The following ZNF460 variants were observed in gnomAD, a reference collection of about 807,000 sequenced individuals.
ZNF460 encodes zinc finger protein 460, also known as zinc finger protein 272.
In ZNF460, 1 loss-of-function variant was observed where a neutral mutation model predicts 8.4. That is an observed-to-expected ratio of 0.12 (90% CI 0.04 to 0.56). The LOEUF is 0.56. ZNF460 is among the 20% of genes least tolerant of loss of function. The probability of loss-of-function intolerance (pLI) is 0.91; values close to 1 mark genes in which losing one functional copy is unlikely to be tolerated. For synonymous variants in ZNF460, 262 were observed against 259.9 expected (o/e 1.01, Z -0.08); for missense variants, 477 against 714.8 (o/e 0.67, Z 3.79).
chr19:57,289,470 T>G (rs1026433943), intron 2 of ZNF460, among the ~76,000 whole-genome samples: 2 of 152,198 alleles, frequency 1.3e-5, no homozygotes, highest in Non-Finnish European at 2.9e-5. Context: ...AACTTTAAGC[T>G]CATGAAGCAT....
intron 1 of ZNF460, among the ~76,000 whole-genome samples, chr19:57,283,091 T>C (rs148345271): frequency 4.0e-5 from 6 of 150,338 alleles, no homozygotes; most frequent in Non-Finnish European, 5.9e-5. Flanking sequence ...GAGTGTGACA[T>C]AGAGATGATG....
chr19:57,281,678 G>A (rs1202508075), intron 1 of ZNF460, among the ~76,000 whole-genome samples: 1 of 144,324 alleles, frequency 6.9e-6, no homozygotes, highest in Non-Finnish European at 1.5e-5. Flanking sequence ...CGATTCTCCT[G>A]CCTCAGCCTC....
intron 1 of ZNF460, among the ~76,000 whole-genome samples, chr19:57,283,135 GTGTT>G (rs1036875186): frequency 6.9e-5 from 9 of 130,384 alleles, no homozygotes; most frequent in Non-Finnish European, 9.5e-5. Flanking sequence ...CTTTGCCTCA[GTGTT>G]TGTTTGTTTT....
At chr19:57,287,316 T>C (rs897390806) in intron 2 of ZNF460, among the ~76,000 whole-genome samples, 3 of 152,216 alleles carry the variant, frequency 2.0e-5, no homozygotes, top group Admixed American at 2.0e-4. Flanking sequence ...TGCTGATGGA[T>C]GTTCCTGTTG....
At chr19:57,281,556 A>ATTTTTTTTTTTTTTTTTTTTTTTTTTTT (rs71293946) in intron 1 of ZNF460, among the ~76,000 whole-genome samples, 2 of 85,042 alleles carry the variant, frequency 2.4e-5, no homozygotes, top group Non-Finnish European at 4.4e-5. Context: ...TAACCCTGAA[A>ATTTTTTTTTTTTTTTTTTTTTTTTTTTT]TTTTTTTTTT....
intron 1 of ZNF460, among the ~76,000 whole-genome samples, chr19:57,283,097 T>C (rs1256051178): frequency 6.6e-6 from 1 of 150,454 alleles, no homozygotes; most frequent in African/African-American, 2.4e-5. Context: ...GACATAGAGA[T>C]GATGATGGTA....
At chr19:57,284,052 G>T (rs976254399) in intron 1 of ZNF460, among the ~76,000 whole-genome samples, 1 of 152,020 alleles carries the variant, frequency 6.6e-6, no homozygotes, top group African/African-American at 2.4e-5. Context: ...TGTTATTGTT[G>T]CTGGTGGTGA....
Position 57,280,656 on chromosome 19 carries a change from C to T in ZNF460, c.-151C>T, listed in dbSNP as rs2087830802. 2.6e-6 allele frequency: 3 copies of T among 1,155,774 alleles called. No individual in the cohort carries two copies. The highest frequency in any genetic ancestry group is 2.4e-6 in the Non-Finnish European group (2 of 831,568). 71.6% of individuals were successfully genotyped at this position (1,155,774 alleles called of 1,614,324 possible). A position where few individuals can be genotyped will look rare whatever the true frequency, so the allele number is the denominator to read the frequency against. ...GCCGAGGCCTAGGCCTCCGCAGCCGCCCTCCGTCTCCTCAGCCCCGACGCT... is the reference window on the plus strand; with the variant it reads ...GCCGAGGCCTAGGCCTCCGCAGCCGTCCTCCGTCTCCTCAGCCCCGACGCT... On this transcript the variant is annotated 5_prime_UTR_variant, in exon 1 of 3. Transcript: ENST00000360338.
intron 2 of ZNF460, among the ~76,000 whole-genome samples, chr19:57,285,282 C>A (rs185821650): frequency 6.6e-6 from 1 of 152,172 alleles, no homozygotes; most frequent in Non-Finnish European, 1.5e-5. Context: ...GCCAGGCCCC[C>A]CTGTGGCACT....
At position 57,284,697 on chromosome 19, in the gene ZNF460, C is replaced by G; in HGVS notation, c.157+20C>G. On this transcript the variant is annotated intron_variant, in intron 2 of 2. Transcript: ENST00000360338. ...CACTGGGTAAGGCCTGTCCTCTCCT[C>G]TCCAAAATCAGGGGCACCAGAAAGC... The G allele has an allele frequency of 1.3e-6, 2 of 1,560,054 alleles. No homozygotes were observed. Among genetic ancestry groups the G allele is most frequent in the South Asian group, 2.4e-5 (2 of 83,074 alleles).
chr19:57,287,519 C>T (rs897406731), intron 2 of ZNF460, among the ~76,000 whole-genome samples: 4 of 152,216 alleles, frequency 2.6e-5, no homozygotes, highest in African/African-American at 7.2e-5. Context: ...AATGGAGTCT[C>T]ACTATGTTGC....
In ZNF460 at chr19:57,291,998, A is replaced by G. The variant is rs376013361; in HGVS notation, c.1457A>G (p.Asn486Ser). Residue 486 changes from asparagine to serine, a missense_variant, in exon 3 of 3, where the codon AAC becomes AGC. Coordinates refer to ENST00000360338, the MANE Select transcript of ZNF460 (RefSeq NM_006635.4). This position sits in a 1 kb window ranked among gnomAD's most constrained non-coding sequence, Gnocchi z 8.4. Reference protein sequence around the residue: ...YECVECGKAFNRRSPLTRHQR... With the variant: ...YECVECGKAFSRRSPLTRHQR... The stretch of plus-strand genomic sequence containing the variant: ...TGCGTGGAGTGCGGGAAGGCCTTCA[A>G]CCGCAGGTCACCCCTCACAAGGCAC... 23 of 1,613,908 alleles carry G rather than the reference A, an allele frequency of 1.4e-5. No individual in the cohort carries two copies. Among genetic ancestry groups the G allele is most frequent in the African/African-American group, 4.0e-5 (3 of 74,864 alleles).
chr19:57,287,067 A>G (rs140927709), intron 2 of ZNF460, among the ~76,000 whole-genome samples: 213 of 151,986 alleles, frequency 1.4e-3, no homozygotes, highest in African/African-American at 4.9e-3. Flanking sequence ...GCTCCTCATC[A>G]GGGTTTTATG....
chr19:57,285,767 C>T (rs1445911495), intron 2 of ZNF460, among the ~76,000 whole-genome samples: 2 of 152,158 alleles, frequency 1.3e-5, no homozygotes, highest in Non-Finnish European at 2.9e-5. Flanking sequence ...ACCACGTCTA[C>T]CCCTCACTCT....
Position 57,290,850 on chromosome 19 carries a change from G to A in ZNF460, c.309G>A (p.Gln103=), listed in dbSNP as rs765965265. ...ATCAAGATGGGCCATCTGAAATGCA[G>A]GAATACTTTTTGAGACCAGGGACAG... The part of the protein sequence containing the change: ...AMDQDGPSEM[Q]EYFLRPGTDP... Residue 103 remains glutamine (Q), a synonymous_variant, in exon 3 of 3, where the codon CAG becomes CAA. Coordinates refer to ENST00000360338, the MANE Select transcript of ZNF460 (RefSeq NM_006635.4). 1.9e-6 allele frequency: 3 copies of A among 1,614,134 alleles called. No individual in the cohort carries two copies. The highest frequency in any genetic ancestry group is 2.2e-5 in the East Asian group (1 of 44,862).
At chr19:57,287,597 A>G (rs960107292) in intron 2 of ZNF460, among the ~76,000 whole-genome samples, 6 of 152,132 alleles carry the variant, frequency 3.9e-5, no homozygotes, top group African/African-American at 1.2e-4. Context: ...TGCTGGGATT[A>G]TAGGCATGAG....
Position 57,292,698 on chromosome 19 carries a change from G to T in ZNF460, c.*468G>T. 6.3e-6 allele frequency: 1 copy of T among 159,888 alleles called. No homozygotes were observed. Among genetic ancestry groups the T allele is most frequent in the Non-Finnish European group, 1.4e-5 (1 of 72,190 alleles). The allele number at this position is 159,888 out of a possible 1,614,324, so 9.9% of individuals were successfully genotyped here. On this transcript the variant is annotated 3_prime_UTR_variant, in exon 3 of 3. Coordinates refer to ENST00000360338, the MANE Select transcript of ZNF460 (RefSeq NM_006635.4). Reference sequence around the variant, plus strand: ...TCCCCTCCTTATTTTATTTGGGAGAGGGAAATGTTTCAGAAACAAAAGGGC... The same window carrying T: ...TCCCCTCCTTATTTTATTTGGGAGATGGAAATGTTTCAGAAACAAAAGGGC...
intron 2 of ZNF460, among the ~76,000 whole-genome samples, chr19:57,286,723 A>G (rs570607987): frequency 2.8e-4 from 42 of 151,404 alleles, no homozygotes; most frequent in Middle Eastern, 6.8e-3. Context: ...GCACTTTGGG[A>G]GGCTGAGGCG....
At position 57,291,292 on chromosome 19, in the gene ZNF460, C is replaced by T; in HGVS notation, c.751C>T (p.Pro251Ser). 6.2e-7 allele frequency: 1 copy of T among 1,613,862 alleles called. No homozygotes were observed. Among genetic ancestry groups the T allele is most frequent in the Non-Finnish European group, 8.5e-7 (1 of 1,179,982 alleles). Residue 251 changes from proline (P) to serine (S), a missense_variant, in exon 3 of 3, where the codon CCC becomes TCC. Coordinates refer to ENST00000360338, the MANE Select transcript of ZNF460 (RefSeq NM_006635.4). The surrounding 1 kb of genome is among the most constrained non-coding windows in gnomAD (Gnocchi z 8.4). The stretch of plus-strand genomic sequence containing the variant: ...CCAGCGGACTCACAATGGAGATAAG[C>T]CCTTTGTGTGCAGTGAATGTGGAAG... ...RHQRTHNGDK[P>S]FVCSECGRTF...
Sources: allele counts gnomAD v4.1 joint callset (sites outside exome capture counted in the v4.1 genomes callset), GRCh38; gene constraint gnomAD v4.1.1; non-coding constraint Gnocchi (gnomAD v3.1); transcripts MANE v1.5; gene names NCBI Gene and HGNC (gene_info 2026-07-23, HGNC 2026-07-21).